The following MARS1 variants were observed in gnomAD, a reference collection of about 807,000 sequenced individuals.
MARS1 encodes the protein methionyl-tRNA synthetase 1, also known as methionine--tRNA ligase, cytoplasmic.
MARS1 carries 80 observed loss-of-function variants against 119.5 expected under a neutral mutation model. That is an observed-to-expected ratio of 0.67 (90% CI 0.56 to 0.81). MARS1 has a LOEUF of 0.81. Ranked by LOEUF, MARS1 falls within the 30% of genes least tolerant of loss-of-function variation. MARS1 has a pLI of 0.00. For missense variants in MARS1, 945 were observed against 1,116.5 expected (o/e 0.85, Z 2.19); for synonymous variants, 418 against 433.4 (o/e 0.96, Z 0.44).
chr12:57,508,762 A>G (rs564093582), intron 11 of MARS1, among the ~76,000 whole-genome samples: 1 of 151,638 alleles, frequency 6.6e-6, no homozygotes, highest in Non-Finnish European at 1.5e-5. Flanking sequence ...GGGTTTCACT[A>G]TGTTGGCCAG....
At chr12:57,499,619 G>T (rs1876822354) in intron 9 of MARS1, among the ~76,000 whole-genome samples, 1 of 148,434 alleles carries the variant, frequency 6.7e-6, no homozygotes, top group Admixed American at 6.8e-5. Context: ...AAAAAAAAAG[G>T]GCTGGGCGCA....
intron 14 of MARS1, 48 bp downstream of exon 14, chr12:57,512,401 GGT>G: frequency 7.6e-7 from 1 of 1,318,366 alleles, no homozygotes; most frequent in Non-Finnish European, 1.1e-6. Flanking sequence ...GGAAATGAGG[GGT>G]GAGGCAGTAC....
At chr12:57,508,346 A>G (rs1216070700) in intron 11 of MARS1, among the ~76,000 whole-genome samples, 4 of 152,316 alleles carry the variant, frequency 2.6e-5, no homozygotes, top group South Asian at 2.1e-4. Flanking sequence ...CCGAGATCAC[A>G]CCACTGCACT....
Position 57,498,067 on chromosome 12 carries a change from C to T in MARS1, c.771-90C>T, listed in dbSNP as rs148752721. ...TGTACATGAACACATGACAGTAGAA[C>T]AAATCTGTGTCCGGGTGTTCTGTGC... On this transcript the variant is annotated intron_variant, in intron 7 of 20. Coordinates refer to ENST00000262027, the MANE Select transcript of MARS1 (RefSeq NM_004990.4). 7.8e-5 allele frequency: 64 copies of T among 819,736 alleles called. 1 individual carries two copies. Among genetic ancestry groups the T allele is most frequent in the South Asian group, 5.9e-4 (40 of 67,428 alleles). 50.8% of individuals were successfully genotyped at this position (819,736 alleles called of 1,614,324 possible).
chr12:57,489,043 G>A lies in MARS1; in HGVS notation c.134G>A (p.Arg45Gln), dbSNP rs759567193. ...GATTGTGTGGTCCCGTTCCTGACCC[G>A]GCCTAAGGTCCCTGTCTTGCAGCTG... ...PEDCVVPFLT[R>Q]PKVPVLQLDS... The change falls in exon 2 of 21, where the codon CGG becomes CAG. Residue 45 changes from arginine (R) to glutamine (Q), a missense_variant. Arg to Gln is a conservative substitution (Grantham distance 43, BLOSUM62 1). Transcript: ENST00000262027. 2.5e-6 allele frequency: 4 copies of A among 1,613,136 alleles called. No individual in the cohort carries two copies. The highest frequency in any genetic ancestry group is 1.3e-5 in the African/African-American group (1 of 74,604).
intron 10 of MARS1, among the ~76,000 whole-genome samples, chr12:57,502,535 G>C (rs1049356171): frequency 2.0e-5 from 3 of 151,494 alleles, no homozygotes. Flanking sequence ...GCGAAACCCC[G>C]CCTCTACTAA....
intron 7 of MARS1, among the ~76,000 whole-genome samples, chr12:57,494,521 G>A: frequency 1.0e-5 from 1 of 98,496 alleles, no homozygotes; most frequent in Non-Finnish European, 2.1e-5. Flanking sequence ...TTTTTTTTTA[G>A]TATTTATTGA....
At position 57,512,992 on chromosome 12, in the gene MARS1, G is replaced by A. The variant is rs1347260978; in HGVS notation, c.1967+28G>A. ...AGGACTTGGTAAGGGGTCAGAGTTAGCAGTGAGCTGGGGTGGGGCTCATTT... is the reference window on the plus strand; with the variant it reads ...AGGACTTGGTAAGGGGTCAGAGTTAACAGTGAGCTGGGGTGGGGCTCATTT... On this transcript the variant is annotated intron_variant, in intron 15 of 20. Transcript: ENST00000262027. The A allele has an allele frequency of 4.4e-6, 7 of 1,592,906 alleles. No individual in the cohort carries two copies. The East Asian group carries it at 1.1e-4, about 25-fold the overall frequency.
intron 14 of MARS1, 150 bp downstream of exon 14, chr12:57,512,503 C>T (rs777716056): frequency 5.3e-5 from 36 of 684,524 alleles, no homozygotes; most frequent in Non-Finnish European, 7.3e-5. Flanking sequence ...CCTAGAGAAA[C>T]GAACAAGAAC....
At chr12:57,494,319 CT>C (rs1241758524) in intron 7 of MARS1, among the ~76,000 whole-genome samples, 2 of 139,684 alleles carry the variant, frequency 1.4e-5, no homozygotes, top group East Asian at 4.3e-4. Flanking sequence ...CTTACTTCTT[CT>C]TTTTTTTCTT....
intron 7 of MARS1, among the ~76,000 whole-genome samples, chr12:57,493,481 T>C (rs1594812056): frequency 1.1e-4 from 1 of 9,312 alleles, no homozygotes; most frequent in Non-Finnish European, 1.8e-4. Context: ...ATATAATATA[T>C]AATATATAAT....
chr12:57,488,296 C>T, intron 1 of MARS1, 97 bp downstream of exon 1: 1 of 1,138,406 alleles, frequency 8.8e-7, no homozygotes, highest in South Asian at 1.4e-5. Flanking sequence ...TAGCCCTCGC[C>T]ACACACCCCA....
intron 15 of MARS1, 117 bp from the exon 16 acceptor site, chr12:57,514,603 C>G (rs781069927): frequency 8.9e-5 from 117 of 1,308,608 alleles, no homozygotes; most frequent in Non-Finnish European, 1.2e-4. Flanking sequence ...GTTACCTGTT[C>G]CAGGCAGGAA....
chr12:57,501,999 CA>C (rs148848020), intron 10 of MARS1, among the ~76,000 whole-genome samples: 26 of 146,370 alleles, frequency 1.8e-4, no homozygotes, highest in Non-Finnish European at 2.0e-4. Flanking sequence ...CCCCCTCCAC[CA>C]AAAAAAAAAG....
At chr12:57,506,816 C>T (rs1331399302) in intron 11 of MARS1, among the ~76,000 whole-genome samples, 6 of 151,466 alleles carry the variant, frequency 4.0e-5, no homozygotes, top group Non-Finnish European at 8.8e-5. Flanking sequence ...GCTGGGATTA[C>T]AGGCACATAC....
At chr12:57,511,582 C>G (rs1877516022) in intron 11 of MARS1, 116 bp from the exon 12 acceptor site, 1 of 1,052,442 alleles carries the variant, frequency 9.5e-7, no homozygotes. Flanking sequence ...GACTCTGTCT[C>G]CAAAAAAAAA....
intron 7 of MARS1, among the ~76,000 whole-genome samples, chr12:57,495,143 C>T (rs1412868822): frequency 1.3e-5 from 2 of 150,678 alleles, no homozygotes; most frequent in South Asian, 2.1e-4. Context: ...GCGCCCCCCA[C>T]CTCCCGGATG....
intron 1 of MARS1, chr12:57,488,505 C>T: frequency 6.9e-7 from 1 of 1,445,314 alleles, no homozygotes; most frequent in Middle Eastern, 1.7e-4. Context: ...TCAGGCATCC[C>T]CCTCTGCTCT....
chr12:57,514,738 T>G lies in MARS1; in HGVS notation c.1986T>G (p.Ser662=). 1 of 1,614,192 alleles carries G rather than the reference T, an allele frequency of 6.2e-7. No homozygotes were observed. Among genetic ancestry groups the G allele is most frequent in the Non-Finnish European group, 8.5e-7 (1 of 1,180,038 alleles). Reference sequence around the variant, plus strand: ...AACCAAGAGCTGGGATGTTTGTGTCTAAGTTCTTTGGGGGCTATGTGCCTG... The same window carrying G: ...AACCAAGAGCTGGGATGTTTGTGTCGAAGTTCTTTGGGGGCTATGTGCCTG... ...NFINRAGMFV[S]KFFGGYVPEM... The change falls in exon 16 of 21, where the codon TCT becomes TCG. Residue 662 remains serine (S), a synonymous_variant. Transcript: ENST00000262027.
Sources: allele counts gnomAD v4.1 joint callset (sites outside exome capture counted in the v4.1 genomes callset), GRCh38; gene constraint gnomAD v4.1.1; transcripts MANE v1.5; gene names NCBI Gene and HGNC (gene_info 2026-07-23, HGNC 2026-07-21).